CYTH1: variants seen among roughly 807,000 people sequenced by gnomAD.
CYTH1 encodes the protein cytohesin 1, also known as cytohesin-1.
In CYTH1, 18 loss-of-function variants were observed where a neutral mutation model predicts 61.8. That is an observed-to-expected ratio of 0.29 (90% CI 0.20 to 0.43). The LOEUF is 0.43. Ranked by LOEUF, CYTH1 falls within the 20% of genes least tolerant of loss-of-function variation. The pLI is 1.00. For missense variants in CYTH1, 336 were observed against 510.5 expected (o/e 0.66, Z 3.29); for synonymous variants, 174 against 184.3 (o/e 0.94, Z 0.45).
chr17:78,735,298 C>G (rs1430036713), intron 1 of CYTH1, among the ~76,000 whole-genome samples: 1 of 152,202 alleles, frequency 6.6e-6, no homozygotes, highest in African/African-American at 2.4e-5. Context: ...TCCGGTGGGT[C>G]TGAAGCTAGG....
intron 10 of CYTH1, among the ~76,000 whole-genome samples, chr17:78,694,115 T>C (rs2092915468): frequency 6.6e-6 from 1 of 152,194 alleles, no homozygotes. Context: ...AATAATGTTA[T>C]GAAAAGAAAA....
chr17:78,709,562 G>T, intron 2 of CYTH1, 88 bp downstream of exon 2: 1 of 1,368,794 alleles, frequency 7.3e-7, no homozygotes, highest in South Asian at 1.2e-5. Context: ...GTGTCTTGAG[G>T]AGACACTCTG....
Position 78,777,147 on chromosome 17 carries a change from C to T in CYTH1, c.22+5055G>A, listed in dbSNP as rs917812464. The stretch of plus-strand genomic sequence containing the variant: ...TCTCACAAAAAAAAAAAAATAAGGC[C>T]GGGCGCGGTGGCTCACGCCTGTAAT... On this transcript the variant is annotated intron_variant, in intron 1 of 13. Transcript: ENST00000446868. 4.0e-5 allele frequency among the ~76,000 whole-genome samples: 6 copies of T among 148,234 alleles called. No individual in the cohort carries two copies. The South Asian group carries it at 8.5e-4, about 21-fold the overall frequency.
rs773372199 is a variant in CYTH1 at position 78,775,964 on chromosome 17, G to A, written c.22+6238C>T. Reference sequence around the variant, plus strand: ...GAGGTCAGGAGTTTGAGATCAGCCTGGCCAACATGGTGAAACCTCGTCTCT... The same window carrying A: ...GAGGTCAGGAGTTTGAGATCAGCCTAGCCAACATGGTGAAACCTCGTCTCT... On this transcript the variant is annotated intron_variant, in intron 1 of 13. Coordinates refer to ENST00000446868, the MANE Select transcript of CYTH1 (RefSeq NM_004762.6). Among the ~76,000 whole-genome samples the A allele has an allele frequency of 9.2e-5, 14 of 152,146 alleles. 1 individual carries two copies. Among genetic ancestry groups the A allele is most frequent in the African/African-American group, 3.1e-4 (13 of 41,492 alleles).
At chr17:78,693,547 G>C (rs2092909582) in intron 10 of CYTH1, among the ~76,000 whole-genome samples, 1 of 151,766 alleles carries the variant, frequency 6.6e-6, no homozygotes, top group South Asian at 2.1e-4. Flanking sequence ...ACTTGAACTG[G>C]GAGGTGGAGG....
intron 1 of CYTH1, among the ~76,000 whole-genome samples, chr17:78,727,312 GT>G (rs200526024): frequency 3.3e-5 from 5 of 152,054 alleles, no homozygotes; most frequent in East Asian, 1.9e-4. Flanking sequence ...GAGGCCTGGG[GT>G]TTTTTTTACT....
At chr17:78,747,293 G>A (rs1287739543) in intron 1 of CYTH1, among the ~76,000 whole-genome samples, 1 of 151,858 alleles carries the variant, frequency 6.6e-6, no homozygotes, top group East Asian at 1.9e-4. Context: ...GTATACTAAC[G>A]AGGGGAGTGA....
chr17:78,689,118 G>A (rs927643526), intron 11 of CYTH1, among the ~76,000 whole-genome samples: 2 of 152,130 alleles, frequency 1.3e-5, no homozygotes, highest in South Asian at 2.1e-4. Context: ...GGCCATGCAC[G>A]GACTGAAATA....
At chr17:78,718,463 C>T (rs997252101) in intron 1 of CYTH1, among the ~76,000 whole-genome samples, 1 of 152,162 alleles carries the variant, frequency 6.6e-6, no homozygotes, top group Admixed American at 6.5e-5. Context: ...TCCAAAGATA[C>T]AGTGATCATG....
At chr17:78,724,653 T>C (rs972003426) in intron 1 of CYTH1, among the ~76,000 whole-genome samples, 4 of 152,202 alleles carry the variant, frequency 2.6e-5, no homozygotes, top group African/African-American at 9.6e-5. Flanking sequence ...ACCATTGCTC[T>C]AGATAAACAA....
chr17:78,724,175 C>A (rs1389723587), intron 1 of CYTH1: 1 of 152,282 alleles, frequency 6.6e-6, no homozygotes. Context: ...AATATGGCTA[C>A]AGCCTGAGGA....
chr17:78,733,811 T>C (rs2093307210), intron 1 of CYTH1, among the ~76,000 whole-genome samples: 2 of 152,310 alleles, frequency 1.3e-5, no homozygotes, highest in African/African-American at 4.8e-5. Context: ...CCAGCAACAA[T>C]GGGCACACCA....
intron 1 of CYTH1, among the ~76,000 whole-genome samples, chr17:78,748,767 T>C (rs2093368669): frequency 6.6e-6 from 1 of 152,180 alleles, no homozygotes; most frequent in South Asian, 2.1e-4. Flanking sequence ...CCTTGTTGCT[T>C]TGGAGATCTA....
intron 1 of CYTH1, among the ~76,000 whole-genome samples, chr17:78,718,114 C>T (rs1394752132): frequency 3.3e-5 from 5 of 151,790 alleles, no homozygotes; most frequent in South Asian, 2.1e-4. Context: ...GAGGTCATTG[C>T]CATTTCCTTT....
chr17:78,728,240 C>A (rs1049538331), intron 1 of CYTH1, among the ~76,000 whole-genome samples: 8 of 152,108 alleles, frequency 5.3e-5, no homozygotes, highest in African/African-American at 1.9e-4. Context: ...GTACATACAC[C>A]ACGATGTTTA....
At chr17:78,678,427 G>A (rs2092723945) in intron 13 of CYTH1, 1 of 152,240 alleles carries the variant, frequency 6.6e-6, no homozygotes, top group Non-Finnish European at 1.5e-5. Context: ...TACACTCTAA[G>A]GAGAGCATAT....
At chr17:78,781,610 G>A (rs1241979114) in intron 1 of CYTH1, among the ~76,000 whole-genome samples, 1 of 152,086 alleles carries the variant, frequency 6.6e-6, no homozygotes, top group African/African-American at 2.4e-5. Context: ...CGGAGCCCGC[G>A]CCTCGCCGGC....
intron 1 of CYTH1, among the ~76,000 whole-genome samples, chr17:78,738,379 G>A (rs796311044): frequency 2.0e-5 from 3 of 152,262 alleles, no homozygotes; most frequent in African/African-American, 7.2e-5. Flanking sequence ...GCTCTCTGCT[G>A]GACTCCCAAA....
chr17:78,774,648 C>T (rs2093484032), intron 1 of CYTH1, among the ~76,000 whole-genome samples: 1 of 152,148 alleles, frequency 6.6e-6, no homozygotes, highest in South Asian at 2.1e-4. Context: ...ATGCAACAGG[C>T]TCCTCTCCCC....
Sources: gnomAD v4.1 joint callset for allele counts (sites outside exome capture counted in the v4.1 genomes callset) on GRCh38, gnomAD v4.1.1 for gene constraint, MANE v1.5 for transcripts, NCBI Gene and HGNC (gene_info 2026-07-23, HGNC 2026-07-21) for gene names.